The following NBPF3 variants were observed in gnomAD, a reference collection of about 807,000 sequenced individuals.
NBPF3 encodes NBPF member 3, also known as NBPF family member NBPF3.
Under a neutral mutation model 78.1 loss-of-function variants are expected in NBPF3, and 57 were observed. The ratio of observed to expected loss-of-function variants is 0.73; its 90% CI spans 0.59 to 0.91. NBPF3 has a LOEUF of 0.91. Among genes scored for constraint, NBPF3 ranks in the 40% least tolerant of loss-of-function variants. NBPF3 has a pLI of 0.00. For missense variants in NBPF3, 510 were observed against 715.3 expected, an observed-to-expected ratio of 0.71 and a Z score of 3.27; for synonymous variants, 182 against 271.7, an observed-to-expected ratio of 0.67 and a Z score of 3.25.
chr1:21,475,194 G>T lies in NBPF3; in HGVS notation c.992+243G>T, dbSNP rs568796533. Among the ~76,000 whole-genome samples the T allele has an allele frequency of 2.6e-4, 39 of 152,090 alleles. No individual in the cohort carries two copies. In the South Asian group the frequency reaches 7.9e-3, roughly 31 times the overall value. ...ACTAGCCAAACAGGGATTTCTTGTTGATCTTTTCAAAAAACCAGCTCCTGG... is the reference window on the plus strand; with the variant it reads ...ACTAGCCAAACAGGGATTTCTTGTTTATCTTTTCAAAAAACCAGCTCCTGG... On this transcript the variant is annotated intron_variant, in intron 8 of 14. Coordinates refer to ENST00000318249, the MANE Select transcript of NBPF3 (RefSeq NM_032264.6).
chr1:21,458,723 C>T (rs1569993125), intron 2 of NBPF3, among the ~76,000 whole-genome samples: 1 of 152,134 alleles, frequency 6.6e-6, no homozygotes, highest in Non-Finnish European at 1.5e-5. Context: ...GGAAACAGAC[C>T]TGAAGTGACA....
At position 21,483,177 on chromosome 1, in the gene NBPF3, G is replaced by C. The variant is rs1643317969; in HGVS notation, c.1693G>C (p.Glu565Gln). ...NEVLMEAEEP[E>Q]VLQDSLDRCY... ...GGTGCTGATGGAAGCAGAAGAGCCTGAAGTCTTGCAGGACTCACTGGATAG... is the reference window on the plus strand; with the variant it reads ...GGTGCTGATGGAAGCAGAAGAGCCTCAAGTCTTGCAGGACTCACTGGATAG... Residue 565 changes from glutamate (E) to glutamine (Q), a missense_variant, in exon 15 of 15, where the codon GAA becomes CAA. Glu to Gln is a conservative substitution (Grantham distance 29). Around this residue, in one of 5 missense-constraint regions of NBPF3, gnomAD observed 25 missense variants for 27.3 expected, o/e 0.92. Transcript: ENST00000318249. 1 of 1,608,166 alleles carries C rather than the reference G, an allele frequency of 6.2e-7. No homozygotes were observed. The highest frequency in any genetic ancestry group is 8.5e-7 in the Non-Finnish European group (1 of 1,178,186).
chr1:21,441,722 AAAAGTAAT>A (rs1208469858), intron 1 of NBPF3, among the ~76,000 whole-genome samples: 1 of 151,236 alleles, frequency 6.6e-6, no homozygotes, highest in Non-Finnish European at 1.5e-5. Context: ...AAAAAAAAAA[AAAAGTAAT>A]GAATTTTGAC....
intron 7 of NBPF3, among the ~76,000 whole-genome samples, chr1:21,474,024 C>T (rs1232734557): frequency 6.6e-6 from 1 of 152,172 alleles, no homozygotes; most frequent in Non-Finnish European, 1.5e-5. Flanking sequence ...TCCTTTGAGT[C>T]TGCTTGGTTA....
At chr1:21,468,225 A>T (rs2147977628) in intron 2 of NBPF3, 1 of 210,024 alleles carries the variant, frequency 4.8e-6, no homozygotes, top group South Asian at 1.1e-4. Flanking sequence ...ACAATGAGGA[A>T]TGTGCTTAGA....
In NBPF3 at chr1:21,468,623, C is replaced by T. The variant is rs190910843; in HGVS notation, c.134-65C>T. ...TTTCAGTTACTGACATCCCTCAGTCCTGATTAAACCTATTTGATTTCACCA... is the reference window on the plus strand; with the variant it reads ...TTTCAGTTACTGACATCCCTCAGTCTTGATTAAACCTATTTGATTTCACCA... On this transcript the variant is annotated intron_variant, in intron 2 of 14. Transcript: ENST00000318249. 1.7e-3 allele frequency: 2,808 copies of T among 1,611,046 alleles called. 22 individuals are homozygous for T. Among genetic ancestry groups the T allele is most frequent in the South Asian group, 0.013 (1,215 of 90,886 alleles).
At chr1:21,450,560 A>G (rs1308916658) in intron 2 of NBPF3, among the ~76,000 whole-genome samples, 1 of 152,170 alleles carries the variant, frequency 6.6e-6, no homozygotes, top group Non-Finnish European at 1.5e-5. Context: ...ATATGTGGGG[A>G]CCATTTCAGA....
At chr1:21,437,803 C>T (rs1461650610), upstream of NBPF3, among the ~76,000 whole-genome samples, 1 of 147,140 alleles carries the variant, frequency 6.8e-6, no homozygotes, top group Non-Finnish European at 1.5e-5. Context: ...TACAGGCGTC[C>T]GCCACCTTGC....
intron 1 of NBPF3, 56 bp downstream of exon 1, chr1:21,440,404 AC>A (rs949291085): frequency 3.5e-4 from 46 of 133,126 alleles, no homozygotes; most frequent in African/African-American, 1.2e-3. Flanking sequence ...GCGGGCGCAC[AC>A]CTGGGTCGAG....
intron 8 of NBPF3, among the ~76,000 whole-genome samples, chr1:21,475,968 T>C (rs1378066551): frequency 6.6e-6 from 1 of 152,122 alleles, no homozygotes; most frequent in Admixed American, 6.6e-5. Flanking sequence ...GTATTGGATA[T>C]ATGTACATTT....
At chr1:21,448,787 C>T (rs1641135701) in intron 2 of NBPF3, among the ~76,000 whole-genome samples, 2 of 152,162 alleles carry the variant, frequency 1.3e-5, no homozygotes, top group Non-Finnish European at 2.9e-5. Flanking sequence ...AGCTCTGACT[C>T]CTTGTGTGTT....
intron 8 of NBPF3, among the ~76,000 whole-genome samples, chr1:21,477,657 T>G (rs1642955426): frequency 6.6e-6 from 1 of 152,090 alleles, no homozygotes; most frequent in African/African-American, 2.4e-5. Context: ...TTTCTGCTTA[T>G]TTTTTATTAG....
Position 21,457,167 on chromosome 1 carries a change from C to CGTGTGTGTGT in NBPF3, c.134-11508_134-11499dup, listed in dbSNP as rs56310866. Among the ~76,000 whole-genome samples, 627 of 149,778 alleles carry CGTGTGTGTGT rather than the reference C, an allele frequency of 4.2e-3. 5 individuals are homozygous for CGTGTGTGTGT. Among genetic ancestry groups the CGTGTGTGTGT allele is most frequent in the African/African-American group, 0.014 (568 of 40,856 alleles). On this transcript the variant is annotated intron_variant, in intron 2 of 14. Transcript: ENST00000318249. ...TCAACAGGCTGGGTCTGGTGGCTCA[C>CGTGTGTGTGT]GTGTGTGTGTGTGTGTGTGTGTATG...
In NBPF3 at chr1:21,484,236, G is replaced by A. The variant is rs1488397098; in HGVS notation, c.*850G>A. On this transcript the variant is annotated 3_prime_UTR_variant, in exon 15 of 15. Transcript: ENST00000318249. ...TCCTTCACACAGTCCACGTCACCAC[G>A]AATCACACAACAAAAAGGAGGAGAG... is the stretch of plus-strand genomic sequence containing the variant. 7.1e-6 allele frequency: 1 copy of A among 141,212 alleles called. No individual in the cohort carries two copies. Among genetic ancestry groups the A allele is most frequent in the Admixed American group, 7.3e-5 (1 of 13,682 alleles). The allele number at this position is 141,212 out of a possible 1,614,324, so 8.7% of individuals were successfully genotyped here. A position where few individuals can be genotyped will look rare whatever the true frequency, so the allele number is the denominator to read the frequency against.
At chr1:21,439,929 G>A (rs1289206624), upstream of NBPF3, among the ~76,000 whole-genome samples, 2 of 152,198 alleles carry the variant, frequency 1.3e-5, no homozygotes, top group African/African-American at 4.8e-5. Context: ...GGCAGAGAGG[G>A]ATTCCCCGTC....
intron 2 of NBPF3, among the ~76,000 whole-genome samples, chr1:21,462,213 G>A (rs1384966917): frequency 6.6e-6 from 1 of 152,132 alleles, no homozygotes; most frequent in African/African-American, 2.4e-5. Flanking sequence ...CGCAGCCGCC[G>A]GTATTCCTTT....
At chr1:21,463,017 CA>C (rs1251187944) in intron 2 of NBPF3, among the ~76,000 whole-genome samples, 9 of 152,198 alleles carry the variant, frequency 5.9e-5, no homozygotes, top group African/African-American at 2.2e-4. Flanking sequence ...AATATTCTAA[CA>C]TAAATATTCT....
intron 1 of NBPF3, among the ~76,000 whole-genome samples, chr1:21,443,265 A>G (rs1186469811): frequency 6.6e-6 from 1 of 152,244 alleles, no homozygotes; most frequent in Non-Finnish European, 1.5e-5. Flanking sequence ...TTTCTTGGCT[A>G]CATACAGGTG....
intron 2 of NBPF3, among the ~76,000 whole-genome samples, chr1:21,448,331 ATT>A (rs1190787061): frequency 7.0e-6 from 1 of 143,736 alleles, no homozygotes; most frequent in Non-Finnish European, 1.5e-5. Context: ...ATTTATTATT[ATT>A]TTTTTTTTTT....
Sources: gnomAD v4.1 joint callset for allele counts (sites outside exome capture counted in the v4.1 genomes callset) on GRCh38, gnomAD v4.1.1 for gene constraint, gnomAD v4.1.1 regional missense constraint, MANE v1.5 for transcripts, NCBI Gene and HGNC (gene_info 2026-07-23, HGNC 2026-07-21) for gene names.